Variants in CDH12 observed in about 807,000 individuals in gnomAD.
The protein encoded by CDH12 is cadherin 12, also known as cadherin-12.
In CDH12, 41 loss-of-function variants were observed where a neutral mutation model predicts 74.1. The observed-to-expected ratio is 0.55, with a 90% confidence interval of 0.43 to 0.72. The LOEUF is 0.72. Among genes scored for constraint, CDH12 ranks in the 30% least tolerant of loss-of-function variants. CDH12 has a pLI of 0.00. For synonymous variants in CDH12, 399 were observed against 355.0 expected (o/e 1.12, Z -1.39); for missense variants, 945 against 977.2 (o/e 0.97, Z 0.44).
chr5:21,803,234 T>C (rs1478831676), intron 9 of CDH12, among the ~76,000 whole-genome samples: 2 of 152,180 alleles, frequency 1.3e-5, no homozygotes, highest in Non-Finnish European at 2.9e-5. Flanking sequence ...TGGCATCTTA[T>C]ATTAAATACT....
intron 6 of CDH12, among the ~76,000 whole-genome samples, chr5:21,914,219 T>C (rs1753988539): frequency 6.6e-6 from 1 of 152,182 alleles, no homozygotes; most frequent in Admixed American, 6.5e-5. Flanking sequence ...ATCCTTTTGC[T>C]TTTCTCTTCA....
intron 3 of CDH12, among the ~76,000 whole-genome samples, chr5:22,343,118 G>A (rs1243442687): frequency 6.6e-6 from 1 of 151,738 alleles, no homozygotes; most frequent in Non-Finnish European, 1.5e-5. Context: ...GCCTCCCAAA[G>A]TGCTGGGATT....
chr5:22,585,607 G>A (rs149137684), intron 1 of CDH12, among the ~76,000 whole-genome samples: 47 of 151,868 alleles, frequency 3.1e-4, no homozygotes, highest in African/African-American at 1.1e-3. Flanking sequence ...CAATGTTTTT[G>A]TCTCTCTGTG....
intron 1 of CDH12, among the ~76,000 whole-genome samples, chr5:22,604,503 C>G (rs1013132190): frequency 5.3e-5 from 8 of 152,130 alleles, no homozygotes; most frequent in African/African-American, 1.9e-4. Flanking sequence ...AGGCATCAAT[C>G]AATACACTTT....
At chr5:22,113,025 C>T (rs930479853) in intron 4 of CDH12, among the ~76,000 whole-genome samples, 8 of 152,040 alleles carry the variant, frequency 5.3e-5, no homozygotes, top group Admixed American at 2.6e-4. Flanking sequence ...GACTAAACTC[C>T]GATATTTTTG....
chr5:22,677,529 C>T (rs1452061849), intron 1 of CDH12, among the ~76,000 whole-genome samples: 1 of 152,020 alleles, frequency 6.6e-6, no homozygotes. Flanking sequence ...ACCAAATCAC[C>T]TCTCAAAGCC....
At chr5:22,562,083 C>T (rs1359476760) in intron 1 of CDH12, among the ~76,000 whole-genome samples, 1 of 152,012 alleles carries the variant, frequency 6.6e-6, no homozygotes, top group East Asian at 1.9e-4. Context: ...TTTGGGAGGC[C>T]GAGGCGGGCG....
intron 4 of CDH12, among the ~76,000 whole-genome samples, chr5:22,190,338 A>T (rs1288495370): frequency 6.7e-6 from 1 of 149,904 alleles, no homozygotes; most frequent in Non-Finnish European, 1.5e-5. Context: ...AATTTAATTC[A>T]TGCCTCCATC....
chr5:22,435,792 C>T (rs768413613), intron 2 of CDH12, among the ~76,000 whole-genome samples: 16 of 151,942 alleles, frequency 1.1e-4, no homozygotes, highest in Non-Finnish European at 1.9e-4. Context: ...TGATGGATCA[C>T]CTGGCACCTC....
chr5:21,876,076 A>G (rs945944506), intron 6 of CDH12, among the ~76,000 whole-genome samples: 64 of 151,998 alleles, frequency 4.2e-4, no homozygotes, highest in African/African-American at 1.3e-3. Context: ...TTGTATTTTT[A>G]GTAGAGACAG....
chr5:22,819,333 T>C (rs768816615), intron 1 of CDH12, among the ~76,000 whole-genome samples: 1 of 151,982 alleles, frequency 6.6e-6, no homozygotes, highest in Non-Finnish European at 1.5e-5. Flanking sequence ...CAGTGAATAG[T>C]GTCTTGAGAC....
intron 6 of CDH12, among the ~76,000 whole-genome samples, chr5:21,909,725 G>A (rs919952631): frequency 2.6e-5 from 4 of 152,022 alleles, no homozygotes; most frequent in Non-Finnish European, 5.9e-5. Flanking sequence ...TTTTAGGTTC[G>A]CCTCCTTAGA....
chr5:22,013,036 G>C (rs1737390368), intron 5 of CDH12, among the ~76,000 whole-genome samples: 1 of 150,280 alleles, frequency 6.7e-6, no homozygotes, highest in South Asian at 2.1e-4. Flanking sequence ...GGCCAGGTGA[G>C]TCAACCAAAT....
chr5:22,692,989 T>G (rs1447326243), intron 1 of CDH12, among the ~76,000 whole-genome samples: 1 of 152,116 alleles, frequency 6.6e-6, no homozygotes, highest in East Asian at 1.9e-4. Flanking sequence ...CCTTTTGACT[T>G]ACTCCATGCT....
At chr5:22,849,228 A>G (rs1412204216) in intron 1 of CDH12, among the ~76,000 whole-genome samples, 1 of 152,138 alleles carries the variant, frequency 6.6e-6, no homozygotes, top group African/African-American at 2.4e-5. Flanking sequence ...TCAAAGTTCA[A>G]AAAGTTAAAT....
intron 6 of CDH12, among the ~76,000 whole-genome samples, chr5:21,908,114 G>A (rs1753719662): frequency 6.6e-6 from 1 of 152,192 alleles, no homozygotes; most frequent in East Asian, 1.9e-4. Flanking sequence ...GCAAAGCTAA[G>A]AGGCTTCTCA....
chr5:22,028,780 C>T (rs1397459635), intron 5 of CDH12, among the ~76,000 whole-genome samples: 1 of 152,052 alleles, frequency 6.6e-6, no homozygotes, highest in Non-Finnish European at 1.5e-5. Context: ...TCATATGGAA[C>T]CAAAAAAGAG....
intron 3 of CDH12, among the ~76,000 whole-genome samples, chr5:22,388,917 C>A (rs776365580): frequency 6.6e-6 from 1 of 152,108 alleles, no homozygotes. Context: ...AAACAGGAAA[C>A]AATGCAAGCA....
At chr5:21,857,042 T>G (rs1750789286) in intron 6 of CDH12, among the ~76,000 whole-genome samples, 1 of 151,788 alleles carries the variant, frequency 6.6e-6, no homozygotes, top group Non-Finnish European at 1.5e-5. Context: ...GTCACCAAAC[T>G]CATGCAAAAG....
Sources: gnomAD v4.1 joint callset for allele counts (sites outside exome capture counted in the v4.1 genomes callset) on GRCh38, gnomAD v4.1.1 for gene constraint, MANE v1.5 for transcripts, NCBI Gene and HGNC (gene_info 2026-07-23, HGNC 2026-07-21) for gene names.